Variants in MPDZ observed in about 807,000 individuals in gnomAD.
MPDZ encodes multiple PDZ domain crumbs cell polarity complex component, also known as multiple PDZ domain protein.
Under a neutral mutation model 239.1 loss-of-function variants are expected in MPDZ, and 234 were observed. The observed-to-expected ratio is 0.98, with a 90% CI of 0.88 to 1.09. MPDZ has a LOEUF of 1.09. Ranked by LOEUF, MPDZ falls within the 50% of genes least tolerant of loss-of-function variation. MPDZ has a pLI of 0.00. For missense variants in MPDZ, 3,175 were observed against 2,510.0 expected (o/e 1.26, Z -5.66); for synonymous variants, 1,048 against 881.3 (o/e 1.19, Z -3.35).
intron 13 of MPDZ, among the ~76,000 whole-genome samples, chr9:13,194,115 T>TA (rs1955320967): frequency 6.6e-6 from 1 of 152,194 alleles, no homozygotes; most frequent in Admixed American, 6.5e-5. Context: ...TCAGTCCTGT[T>TA]ACACTACTTC....
At position 13,252,298 on chromosome 9, in the gene MPDZ, T is replaced by C. The variant is rs1332935768; in HGVS notation, c.-57-1926A>G. Among the ~76,000 whole-genome samples the C allele has an allele frequency of 5.3e-5, 8 of 152,260 alleles. No homozygotes were observed. In the East Asian group the frequency reaches 1.5e-3, roughly 29 times the overall value. On this transcript the variant is annotated intron_variant, in intron 1 of 46. Coordinates refer to ENST00000319217, the MANE Select transcript of MPDZ (RefSeq NM_001378778.1). Reference sequence around the variant, plus strand: ...AAACACATAAATAGGCCGGGCGCGGTGGCTCATGCCTGTAATCCCAGCACT... The same window carrying C: ...AAACACATAAATAGGCCGGGCGCGGCGGCTCATGCCTGTAATCCCAGCACT...
At chr9:13,115,181 C>T in intron 40 of MPDZ, 67 bp downstream of exon 40, 1 of 1,374,758 alleles carries the variant, frequency 7.3e-7, no homozygotes, top group Admixed American at 1.8e-5. Context: ...GACCCACAGT[C>T]AGGGCCATCT....
intron 32 of MPDZ, among the ~76,000 whole-genome samples, chr9:13,129,615 C>G (rs1158979755): frequency 6.6e-6 from 1 of 152,094 alleles, no homozygotes; most frequent in Non-Finnish European, 1.5e-5. Flanking sequence ...TGCATATAGT[C>G]CTTAGCAAGA....
chr9:13,127,929 T>C (rs1169338448), intron 32 of MPDZ, among the ~76,000 whole-genome samples: 1 of 152,230 alleles, frequency 6.6e-6, no homozygotes, highest in Non-Finnish European at 1.5e-5. Context: ...ATCTACAAAA[T>C]GGAATAATAA....
intron 41 of MPDZ, 32 bp from the exon 42 acceptor site, chr9:13,113,086 T>G: frequency 6.6e-7 from 1 of 1,518,070 alleles, no homozygotes; most frequent in Non-Finnish European, 8.9e-7. Flanking sequence ...AATAGGGTTA[T>G]TTTATGTTCA....
At position 13,216,763 on chromosome 9, in the gene MPDZ, G is replaced by C. The variant is rs762812735; in HGVS notation, c.1290+11C>G. The C allele has an allele frequency of 1.9e-6, 3 of 1,577,176 alleles. No individual in the cohort carries two copies. Among genetic ancestry groups the C allele is most frequent in the Non-Finnish European group, 2.6e-6 (3 of 1,150,178 alleles). On this transcript the variant is annotated intron_variant, in intron 10 of 46. Transcript: ENST00000319217. ...AAAATTAACAAAGCTATTGTTAAAT[G>C]TGTAACTTACTGCTATAATTTGGTC...
At chr9:13,114,265 T>G (rs1039828807) in intron 40 of MPDZ, among the ~76,000 whole-genome samples, 3 of 152,196 alleles carry the variant, frequency 2.0e-5, no homozygotes, top group South Asian at 4.1e-4. Flanking sequence ...TACCTAAAAT[T>G]TTAGTGGATA....
rs770867378 is a variant in MPDZ at position 13,175,850 on chromosome 9, C to A, written c.2957G>T (p.Ser986Ile). 4 of 1,593,890 alleles carry A rather than the reference C, an allele frequency of 2.5e-6. No individual in the cohort carries two copies. Among genetic ancestry groups the A allele is most frequent in the African/African-American group, 1.3e-5 (1 of 74,618 alleles). ...ACACTCAGCATTACAGGCCAGGGAG[C>A]TCTGTTCAAGCAGGTACTCAGAGCC... ...GKGSEYLLEQ[S>I]SLACNAECVM... The change falls in exon 21 of 47, where the codon AGC (serine) becomes ATC (isoleucine). Residue 986 changes from serine to isoleucine, a missense_variant. Physicochemically the swap from Ser to Ile is moderately radical, Grantham distance 142. Transcript: ENST00000319217.
rs558348915 is a variant in MPDZ at position 13,236,080 on chromosome 9, A to T, written c.184-11497T>A. ...ATTTTAATATTTTAGTTTTTATTCA[A>T]ACCTGCAAAGATCTTATTCATTCTT... is the stretch of plus-strand genomic sequence containing the variant. On this transcript the variant is annotated intron_variant, in intron 3 of 46. Transcript: ENST00000319217. 1.2e-4 allele frequency among the ~76,000 whole-genome samples: 18 copies of T among 150,846 alleles called. No individual in the cohort carries two copies. In the South Asian group the frequency reaches 3.8e-3, roughly 32 times the overall value.
rs766333079 is a variant in MPDZ at position 13,121,794 on chromosome 9, T to C, written c.5176A>G (p.Ile1726Val). Residue 1726 changes from isoleucine (I) to valine (V), a missense_variant, in exon 38 of 47, where the codon ATT becomes GTT. Physicochemically the swap from Ile to Val is conservative, Grantham distance 29. Transcript: ENST00000319217. ...TTTCCCGGCTTCTTCTGCAGCTCAA[T>C]AGTGAGGGTGTCACACACTTCCTCC... ...KEEEVCDTLT[I>V]ELQKKPGKGL... 4.3e-6 allele frequency: 7 copies of C among 1,613,962 alleles called. No homozygotes were observed. The South Asian group carries it at 4.4e-5, about 10-fold the overall frequency.
chr9:13,235,183 G>A (rs965841170), intron 3 of MPDZ, among the ~76,000 whole-genome samples: 1 of 152,042 alleles, frequency 6.6e-6, no homozygotes, highest in African/African-American at 2.4e-5. Flanking sequence ...TATTTTTAAA[G>A]CTAATTAAAG....
Position 13,176,303 on chromosome 9 carries a change from T to C in MPDZ, c.2764A>G (p.Ser922Gly). Reference sequence around the variant, plus strand: ...GTAAAGCCAGAAGCAGGCCCCATACTTATGTCCACCGAAGGTGTATTCTCA... The same window carrying C: ...GTAAAGCCAGAAGCAGGCCCCATACCTATGTCCACCGAAGGTGTATTCTCA... ...QDENTPSVDISMGPASGFTIN... is the reference protein window; with the variant it reads ...QDENTPSVDIGMGPASGFTIN... The change falls in exon 20 of 47, where the codon AGT (serine) becomes GGT (glycine). Residue 922 changes from serine (S) to glycine (G), a missense_variant. By Grantham distance (56) the Ser-to-Gly change is moderately conservative (BLOSUM62 0). Transcript: ENST00000319217. The C allele has an allele frequency of 6.2e-7, 1 of 1,610,328 alleles. No homozygotes were observed. Among genetic ancestry groups the C allele is most frequent in the Non-Finnish European group, 8.5e-7 (1 of 1,178,068 alleles).
intron 36 of MPDZ, among the ~76,000 whole-genome samples, chr9:13,122,523 C>CTTTTTT (rs1193402258): frequency 7.1e-6 from 1 of 141,148 alleles, no homozygotes; most frequent in South Asian, 2.3e-4. Context: ...TTTTCAAACT[C>CTTTTTT]TTTTTTTTTT....
At chr9:13,120,696 G>A (rs1199887485) in intron 38 of MPDZ, 1 of 152,172 alleles carries the variant, frequency 6.6e-6, no homozygotes, top group African/African-American at 2.4e-5. Context: ...TTTCCATACA[G>A]AAAAGTCGCT....
intron 12 of MPDZ, among the ~76,000 whole-genome samples, chr9:13,204,218 T>A (rs529000504): frequency 6.6e-6 from 1 of 152,076 alleles, no homozygotes; most frequent in South Asian, 2.1e-4. Flanking sequence ...CCTAAAGCAA[T>A]CTGAAAGGTA....
intron 1 of MPDZ, among the ~76,000 whole-genome samples, chr9:13,252,031 T>G (rs968817196): frequency 6.6e-6 from 1 of 152,176 alleles, no homozygotes; most frequent in Non-Finnish European, 1.5e-5. Flanking sequence ...AATTTCCAGC[T>G]CATAGCATAA....
Position 13,126,605 on chromosome 9 carries a change from A to G in MPDZ, c.4558-15T>C, listed in dbSNP as rs1258941822. The stretch of plus-strand genomic sequence containing the variant: ...AGTCGTCCATCCTAAATGGAAACGT[A>G]GAAGAATTTGAGTGATATTCCAAAA... On this transcript the variant is annotated splice_polypyrimidine_tract_variant and intron_variant, in intron 33 of 46. Coordinates refer to ENST00000319217, the MANE Select transcript of MPDZ (RefSeq NM_001378778.1). 6.2e-7 allele frequency: 1 copy of G among 1,610,054 alleles called. No homozygotes were observed. The highest frequency in any genetic ancestry group is 1.7e-5 in the Admixed American group (1 of 59,446).
chr9:13,192,393 A>G (rs564537364), intron 14 of MPDZ, 98 bp from the exon 15 acceptor site: 2 of 1,048,832 alleles, frequency 1.9e-6, no homozygotes, highest in Non-Finnish European at 2.8e-6. Context: ...TACTATAGTC[A>G]TTACCACAGT....
chr9:13,235,035 G>C (rs139231734), intron 3 of MPDZ, among the ~76,000 whole-genome samples: 2 of 152,096 alleles, frequency 1.3e-5, no homozygotes, highest in Non-Finnish European at 2.9e-5. Context: ...GGACTCCATT[G>C]CAAGTTTGGA....
Sources: gnomAD v4.1 joint callset for allele counts (sites outside exome capture counted in the v4.1 genomes callset) on GRCh38, gnomAD v4.1.1 for gene constraint, MANE v1.5 for transcripts, NCBI Gene and HGNC (gene_info 2026-07-23, HGNC 2026-07-21) for gene names.